Variants in COPB1 observed in about 807,000 individuals in gnomAD.
COPB1 encodes the protein coatomer subunit beta.
COPB1 carries 21 observed loss-of-function variants against 108.7 expected under a neutral mutation model. The observed-to-expected ratio is 0.19, with a 90% CI of 0.14 to 0.28. The LOEUF (loss-of-function observed/expected upper bound fraction) is 0.28, where lower values mean the gene tolerates loss of function less well. COPB1 is among the 10% of genes least tolerant of loss of function. The pLI is 1.00. For synonymous variants in COPB1, 378 were observed against 386.8 expected, an observed-to-expected ratio of 0.98 and a Z score of 0.27; for missense variants, 919 against 1,141.3, an observed-to-expected ratio of 0.81 and a Z score of 2.81.
Position 14,483,165 on chromosome 11 carries a change from GA to G in COPB1, c.838-15del. On this transcript the variant is annotated splice_polypyrimidine_tract_variant and intron_variant, in intron 7 of 21. Transcript: ENST00000439561. ...CTGAGCAGCAGCCTATATAAAAAAA[GA>G]AATACATTTTAAGAAGTTATTCATC... 6.6e-7 allele frequency: 1 copy of G among 1,514,698 alleles called. No homozygotes were observed. Among genetic ancestry groups the G allele is most frequent in the South Asian group, 1.2e-5 (1 of 82,334 alleles). The allele number at this position is 1,514,698 out of a possible 1,614,324, so 93.8% of individuals were successfully genotyped here. A position where few individuals can be genotyped will look rare whatever the true frequency, so the allele number is the denominator to read the frequency against.
At chr11:14,491,222 T>A (rs1850894856) in intron 4 of COPB1, among the ~76,000 whole-genome samples, 1 of 152,002 alleles carries the variant, frequency 6.6e-6, no homozygotes, top group African/African-American at 2.4e-5. Context: ...TTTTTGTTAT[T>A]TTTTTAGTAG....
chr11:14,492,331 T>C (rs1342468310), intron 4 of COPB1, among the ~76,000 whole-genome samples: 1 of 151,660 alleles, frequency 6.6e-6, no homozygotes, highest in Non-Finnish European at 1.5e-5. Flanking sequence ...TACATTATTA[T>C]TATTATTATT....
intron 7 of COPB1, among the ~76,000 whole-genome samples, chr11:14,484,203 T>C (rs1850719491): frequency 6.6e-6 from 1 of 152,120 alleles, no homozygotes; most frequent in South Asian, 2.1e-4. Context: ...GACTAAGAAC[T>C]AGCACAGATT....
In COPB1 at chr11:14,480,651, G is replaced by C. The variant is rs1850641189; in HGVS notation, c.1212+108C>G. 8 of 1,041,630 alleles carry C rather than the reference G, an allele frequency of 7.7e-6. No individual in the cohort carries two copies. In the South Asian group the frequency reaches 1.4e-4, roughly 18 times the overall value. 64.5% of individuals were successfully genotyped at this position (1,041,630 alleles called of 1,614,324 possible). ...ATATAAAGATCACTTCTCACCATGA[G>C]ATTTAATGGTTCTAGGCAGCTGAGA... is the stretch of plus-strand genomic sequence containing the variant. On this transcript the variant is annotated intron_variant, in intron 10 of 21. Coordinates refer to ENST00000439561, the MANE Select transcript of COPB1 (RefSeq NM_001144061.2).
intron 21 of COPB1, 128 bp downstream of exon 21, chr11:14,458,404 G>T: frequency 1.1e-6 from 1 of 873,994 alleles, no homozygotes; most frequent in South Asian, 2.6e-5. Flanking sequence ...TCTATTCAGA[G>T]TATATTATTA....
In COPB1 at chr11:14,490,626, A is replaced by G; in HGVS notation, c.545T>C (p.Val182Ala). ...TTTGCAACTTGCATCCTTCTCATTC[A>G]CCAGAAAATCATGTATCAGTTCAGG... The part of the protein sequence containing the change: ...DAPELIHDFL[V>A]NEKDASCKRN... The change falls in exon 5 of 22, where the codon GTG (valine) becomes GCG (alanine). Residue 182 changes from valine (V) to alanine (A), a missense_variant. This residue lies in a region of COPB1 where 78 missense variants were observed against 95.4 expected (regional missense o/e 0.82). Transcript: ENST00000439561. 6.2e-7 allele frequency: 1 copy of G among 1,613,336 alleles called. No individual in the cohort carries two copies. Among genetic ancestry groups the G allele is most frequent in the Non-Finnish European group, 8.5e-7 (1 of 1,179,732 alleles).
rs1850975214 is a variant in COPB1, at chr11:14,494,492, A to T, written c.92-53T>A. On this transcript the variant is annotated intron_variant, in intron 2 of 21. Transcript: ENST00000439561. Reference sequence around the variant, plus strand: ...GCACAATTATTTCAAAAGAAAATTCATCACATAAATTTAAAAGCAATTAAC... The same window carrying T: ...GCACAATTATTTCAAAAGAAAATTCTTCACATAAATTTAAAAGCAATTAAC... 6 of 1,061,136 alleles carry T rather than the reference A, an allele frequency of 5.7e-6. No homozygotes were observed. In the South Asian group the frequency reaches 8.7e-5, roughly 15 times the overall value. The allele number at this position is 1,061,136 out of a possible 1,614,324, so 65.7% of individuals were successfully genotyped here. A position where few individuals can be genotyped will look rare whatever the true frequency, so the allele number is the denominator to read the frequency against.
intron 4 of COPB1, among the ~76,000 whole-genome samples, chr11:14,493,049 G>A (rs1850943691): frequency 6.6e-6 from 1 of 152,180 alleles, no homozygotes; most frequent in Non-Finnish European, 1.5e-5. Flanking sequence ...GGGAGGCTGA[G>A]GCAGGAGAAT....
rs1850250080 is a variant in COPB1, at chr11:14,464,983, G to A, written c.2338C>T (p.His780Tyr). The change falls in exon 18 of 22, where the codon CAT (histidine) becomes TAT (tyrosine). Residue 780 changes from histidine to tyrosine, a missense_variant. Around this residue, in one of 5 missense-constraint regions of COPB1, gnomAD observed 705 missense variants for 817.8 expected, o/e 0.86. Coordinates refer to ENST00000439561, the MANE Select transcript of COPB1 (RefSeq NM_001144061.2). ...TTAGCTTTAATATTTGCGAAGTCATGAGGAGCAAGAGTCAAAGGAGACGGC... is the reference window on the plus strand; with the variant it reads ...TTAGCTTTAATATTTGCGAAGTCATAAGGAGCAAGAGTCAAAGGAGACGGC... ...EKPSPLTLAP[H>Y]DFANIKANVK... 2 of 1,612,866 alleles carry A rather than the reference G, an allele frequency of 1.2e-6. No homozygotes were observed. The highest frequency in any genetic ancestry group is 2.7e-5 in the African/African-American group (2 of 74,880).
intron 18 of COPB1, 82 bp downstream of exon 18, chr11:14,464,829 C>T: frequency 6.9e-7 from 1 of 1,439,582 alleles, no homozygotes; most frequent in African/African-American, 1.4e-5. Context: ...ATCCTCTCCT[C>T]ATACAATGTC....
At position 14,457,687 on chromosome 11, in the gene COPB1, G is replaced by A. The variant is rs1006578168; in HGVS notation, c.*137C>T. ...AAACTCAATCTTGATTTAAGGGAAA[G>A]GCTATAAATTATTGGCTGAAAAGTA... On this transcript the variant is annotated 3_prime_UTR_variant, in exon 22 of 22. Coordinates refer to ENST00000439561, the MANE Select transcript of COPB1 (RefSeq NM_001144061.2). The A allele has an allele frequency of 2.9e-6, 2 of 683,914 alleles. No homozygotes were observed. Among genetic ancestry groups the A allele is most frequent in the African/African-American group, 3.6e-5 (2 of 55,084 alleles). The allele number at this position is 683,914 out of a possible 1,614,324, so 42.4% of individuals were successfully genotyped here.
chr11:14,495,150 G>A lies in COPB1; in HGVS notation c.92-711C>T, dbSNP rs538863694. Among the ~76,000 whole-genome samples, 117 of 152,218 alleles carry A rather than the reference G, an allele frequency of 7.7e-4. 1 individual carries two copies. In the South Asian group the frequency reaches 9.3e-3, roughly 12 times the overall value. On this transcript the variant is annotated intron_variant, in intron 2 of 21. Coordinates refer to ENST00000439561, the MANE Select transcript of COPB1 (RefSeq NM_001144061.2). ...AACTCTGCAACATAAAGTATTTTAC[G>A]CAAAACTATCTAAAATTTCACACCA...
chr11:14,479,747 TAAC>T, intron 10 of COPB1, 33 bp from the exon 11 acceptor site: 1 of 1,536,572 alleles, frequency 6.5e-7, no homozygotes, highest in Non-Finnish European at 8.8e-7. Flanking sequence ...AAAATGGAAC[TAAC>T]AATTTTCGAA....
chr11:14,488,560 T>C lies in COPB1; in HGVS notation c.631A>G (p.Thr211Ala). The C allele has an allele frequency of 6.2e-7, 1 of 1,606,332 alleles. No homozygotes were observed. The highest frequency in any genetic ancestry group is 8.5e-7 in the Non-Finnish European group (1 of 1,175,436). Residue 211 changes from threonine to alanine, a missense_variant, in exon 6 of 22, where the codon ACT (threonine) becomes GCT (alanine). Coordinates refer to ENST00000439561, the MANE Select transcript of COPB1 (RefSeq NM_001144061.2). ...DQDRALDYLS[T>A]CIDQVQTFGD... is the part of the protein sequence containing the mutation. ...AATGTTTGAACTTGATCAATGCAAG[T>C]ACTTAAGTAATCCAAAGCTCGATCC...
At position 14,461,638 on chromosome 11, in the gene COPB1, G is replaced by GT. The variant is rs551396872; in HGVS notation, c.2411-308dup. Among the ~76,000 whole-genome samples, 415 of 152,278 alleles carry GT rather than the reference G, an allele frequency of 2.7e-3. 1 individual carries two copies. Among genetic ancestry groups the GT allele is most frequent in the African/African-American group, 9.7e-3 (401 of 41,550 alleles). On this transcript the variant is annotated intron_variant, in intron 18 of 21. Coordinates refer to ENST00000439561, the MANE Select transcript of COPB1 (RefSeq NM_001144061.2). The stretch of plus-strand genomic sequence containing the variant: ...TAGGATTCGAACTCAGGCACACTTT[G>GT]TTTTTTGTGGTTAAACAAATAATTC...
intron 14 of COPB1, among the ~76,000 whole-genome samples, chr11:14,470,524 T>C (rs902958808): frequency 1.3e-5 from 2 of 152,208 alleles, no homozygotes; most frequent in African/African-American, 2.4e-5. Flanking sequence ...TGCAACTTAC[T>C]TTTTTAGTCT....
At chr11:14,458,470 G>C in intron 21 of COPB1, 62 bp downstream of exon 21, 1 of 1,479,234 alleles carries the variant, frequency 6.8e-7, no homozygotes, top group Non-Finnish European at 9.1e-7. Flanking sequence ...AAATAATAAA[G>C]TCATAAATTC....
intron 7 of COPB1, among the ~76,000 whole-genome samples, chr11:14,486,006 T>C (rs1347601528): frequency 1.3e-5 from 2 of 152,096 alleles, no homozygotes; most frequent in Admixed American, 1.3e-4. Flanking sequence ...CCCCAACCTC[T>C]TTACACTGAG....
intron 5 of COPB1, among the ~76,000 whole-genome samples, chr11:14,489,670 C>CA (rs1850851991): frequency 6.6e-6 from 1 of 151,976 alleles, no homozygotes; most frequent in Admixed American, 6.6e-5. Context: ...AATACTTAGT[C>CA]AAAATCACAG....
Sources: gnomAD v4.1 joint callset for allele counts (sites outside exome capture counted in the v4.1 genomes callset) on GRCh38, gnomAD v4.1.1 for gene constraint, gnomAD v4.1.1 regional missense constraint, MANE v1.5 for transcripts, NCBI Gene and HGNC (gene_info 2026-07-23, HGNC 2026-07-21) for gene names.